Variants in TRIM35 observed in about 807,000 individuals in gnomAD.
TRIM35 encodes the protein E3 ubiquitin-protein ligase TRIM35.
A neutral mutation model predicts 49.1 loss-of-function variants in TRIM35; 37 were observed. The ratio of observed to expected loss-of-function variants is 0.75; its 90% CI spans 0.58 to 0.99. The LOEUF (loss-of-function observed/expected upper bound fraction) is 0.99. Among genes scored for constraint, TRIM35 ranks in the 50% least tolerant of loss-of-function variants. The probability of loss-of-function intolerance (pLI) is 0.00; values close to 1 mark genes in which losing one functional copy is unlikely to be tolerated. For synonymous variants in TRIM35, 302 were observed against 289.3 expected (o/e 1.04, Z -0.45); for missense variants, 648 against 702.7 (o/e 0.92, Z 0.88).
intron 2 of TRIM35, among the ~76,000 whole-genome samples, chr8:27,294,642 G>C (rs1052185840): frequency 6.6e-6 from 1 of 152,152 alleles, no homozygotes; most frequent in Non-Finnish European, 1.5e-5. Context: ...GGGAAGTCCT[G>C]AATCATAGAA....
chr8:27,309,044 T>C (rs931588629), intron 1 of TRIM35, among the ~76,000 whole-genome samples: 10 of 152,202 alleles, frequency 6.6e-5, no homozygotes, highest in African/African-American at 1.7e-4. Context: ...GGAAGCTCCT[T>C]GAGGCTGGAA....
intron 1 of TRIM35, among the ~76,000 whole-genome samples, chr8:27,301,371 G>C (rs1395598967): frequency 6.6e-6 from 1 of 152,142 alleles, no homozygotes; most frequent in Non-Finnish European, 1.5e-5. Flanking sequence ...TATATTCCTG[G>C]GGATAAAACT....
In TRIM35 at chr8:27,310,871, G is replaced by A. The variant is rs1273402755; in HGVS notation, c.365C>T (p.Ser122Phe). 1.2e-6 allele frequency: 2 copies of A among 1,612,616 alleles called. No homozygotes were observed. The highest frequency in any genetic ancestry group is 1.7e-5 in the Admixed American group (1 of 59,998). The change falls in exon 1 of 6, where the codon TCC becomes TTC. Residue 122 changes from serine (S) to phenylalanine (F), a missense_variant. By Grantham distance (155) the Ser-to-Phe change is radical. Coordinates refer to ENST00000305364, the MANE Select transcript of TRIM35 (RefSeq NM_171982.5). ...CTGGTGTCGGGGGTCGGCCTGGCAG[G>A]AGCAGCACAGCAGCTCCTTGTCCTC... ...CLEDKELLCC[S>F]CQADPRHQGH...
chr8:27,302,049 A>G (rs149118859), intron 1 of TRIM35, among the ~76,000 whole-genome samples: 1 of 152,202 alleles, frequency 6.6e-6, no homozygotes, highest in African/African-American at 2.4e-5. Flanking sequence ...CCAACATCAC[A>G]CAGCCATAAT....
intron 1 of TRIM35, among the ~76,000 whole-genome samples, chr8:27,310,591 G>T (rs941166460): frequency 6.6e-6 from 1 of 152,240 alleles, no homozygotes; most frequent in African/African-American, 2.4e-5. Flanking sequence ...CTTTCCGTTC[G>T]CATTCTCTTC....
At chr8:27,305,301 T>G (rs1054112513) in intron 1 of TRIM35, among the ~76,000 whole-genome samples, 3 of 152,240 alleles carry the variant, frequency 2.0e-5, no homozygotes, top group Non-Finnish European at 4.4e-5. Flanking sequence ...CTCCCAGATC[T>G]GTCTTTCCCC....
intron 3 of TRIM35, among the ~76,000 whole-genome samples, chr8:27,293,765 G>A (rs778766870): frequency 1.3e-5 from 2 of 151,916 alleles, no homozygotes; most frequent in Non-Finnish European, 2.9e-5. Flanking sequence ...AAGGAGAGAG[G>A]ATCACTTGAG....
chr8:27,291,095 C>A (rs184005120), intron 3 of TRIM35, among the ~76,000 whole-genome samples: 24 of 135,188 alleles, frequency 1.8e-4, no homozygotes, highest in Non-Finnish European at 3.7e-4. Context: ...GTTGGACTAA[C>A]CCTTACTATA....
chr8:27,298,339 G>C (rs1424217489), intron 2 of TRIM35, 125 bp downstream of exon 2: 16 of 824,210 alleles, frequency 1.9e-5, no homozygotes, highest in Non-Finnish European at 2.4e-5. Flanking sequence ...GACCATCAGA[G>C]GTAAGGCAGC....
At chr8:27,297,179 A>G (rs1360687325) in intron 2 of TRIM35, among the ~76,000 whole-genome samples, 1 of 152,186 alleles carries the variant, frequency 6.6e-6, no homozygotes, top group Non-Finnish European at 1.5e-5. Context: ...AATGTTAATG[A>G]GGCTCTTTCC....
At chr8:27,304,948 G>A in intron 1 of TRIM35, 1 of 377,342 alleles carries the variant, frequency 2.7e-6, no homozygotes, top group Non-Finnish European at 5.2e-6. Flanking sequence ...TGATGTAGCA[G>A]CCAAGAGTTC....
chr8:27,305,977 C>A (rs1253449658), intron 1 of TRIM35, among the ~76,000 whole-genome samples: 4 of 152,162 alleles, frequency 2.6e-5, no homozygotes, highest in Non-Finnish European at 5.9e-5. Context: ...GCTGGGACTA[C>A]AGGTATGTGC....
chr8:27,310,791 C>T lies in TRIM35; in HGVS notation c.435+10G>A. 1 of 1,572,692 alleles carries T rather than the reference C, an allele frequency of 6.4e-7. No individual in the cohort carries two copies. Among genetic ancestry groups the T allele is most frequent in the East Asian group, 2.3e-5 (1 of 44,086 alleles). On this transcript the variant is annotated intron_variant, in intron 1 of 5. Coordinates refer to ENST00000305364, the MANE Select transcript of TRIM35 (RefSeq NM_171982.5). ...CGGCTCGGCCGCCTCGTGCAAATCG[C>T]TGCTCTTACCCGAAAGTCGTGGGCA...
At chr8:27,289,475 C>A (rs566307719) in intron 4 of TRIM35, among the ~76,000 whole-genome samples, 195 bp from the exon 5 acceptor site, 1 of 152,210 alleles carries the variant, frequency 6.6e-6, no homozygotes, top group Non-Finnish European at 1.5e-5. Context: ...CATCTCCCTT[C>A]AGCATTCAAT....
Position 27,303,430 on chromosome 8 carries a change from G to A in TRIM35, c.436-4871C>T, listed in dbSNP as rs1222557555. Among the ~76,000 whole-genome samples, 3 of 152,052 alleles carry A rather than the reference G, an allele frequency of 2.0e-5. No homozygotes were observed. The East Asian group carries it at 5.8e-4, about 29-fold the overall frequency. The stretch of plus-strand genomic sequence containing the variant: ...TTCACCTAGGAAATATGACATGTAA[G>A]AAGTGTGAATTTGAATGCATCTAAA... On this transcript the variant is annotated intron_variant, in intron 1 of 5. Transcript: ENST00000305364.
intron 3 of TRIM35, among the ~76,000 whole-genome samples, chr8:27,291,487 CCTAG>C (rs1191261484): frequency 6.6e-6 from 1 of 152,166 alleles, no homozygotes; most frequent in African/African-American, 2.4e-5. Context: ...TGAATAATGG[CCTAG>C]CAGTTCTTCC....
At position 27,311,014 on chromosome 8, in the gene TRIM35, G is replaced by A. The variant is rs753776869; in HGVS notation, c.222C>T (p.Thr74=). The stretch of plus-strand genomic sequence containing the variant: ...GCAGCTTCTCCACCAGGTTGTTGAG[G>A]GTGTGGTTGGTGCGCAGGTCGGCGG... ...ASPADLRTNH[T]LNNLVEKLLR... The change falls in exon 1 of 6, where the codon ACC becomes ACT. Residue 74 remains threonine (T), a synonymous_variant. Coordinates refer to ENST00000305364, the MANE Select transcript of TRIM35 (RefSeq NM_171982.5). 8 of 1,610,156 alleles carry A rather than the reference G, an allele frequency of 5.0e-6. No individual in the cohort carries two copies. Among genetic ancestry groups the A allele is most frequent in the Middle Eastern group, 1.7e-4 (1 of 6,044 alleles).
chr8:27,303,080 C>A (rs1802711766), intron 1 of TRIM35, among the ~76,000 whole-genome samples: 1 of 152,156 alleles, frequency 6.6e-6, no homozygotes, highest in Non-Finnish European at 1.5e-5. Context: ...GCTAGATATA[C>A]TTAATCAAAC....
At position 27,287,721 on chromosome 8, in the gene TRIM35, G is replaced by A. The variant is rs747876455; in HGVS notation, c.1311C>T (p.Gly437=). The A allele has an allele frequency of 9.3e-6, 15 of 1,610,258 alleles. No homozygotes were observed. The highest frequency in any genetic ancestry group is 3.4e-5 in the Admixed American group (2 of 59,372). The change falls in exon 6 of 6, where the codon GGC becomes GGT. Residue 437 remains glycine (G), a synonymous_variant. Transcript: ENST00000305364. This position sits in a 1 kb window ranked among gnomAD's most constrained non-coding sequence, Gnocchi z 6.0. ...GCTCCGCGTCATAGAAAGACAGCTC[G>A]CCCTCCTCACACTCCAGCTCCACAC... The part of the protein sequence containing the change: ...RLRVELECEE[G]ELSFYDAERH...
Sources: gnomAD v4.1 joint callset for allele counts (sites outside exome capture counted in the v4.1 genomes callset) on GRCh38, gnomAD v4.1.1 for gene constraint, Gnocchi (gnomAD v3.1) non-coding constraint, MANE v1.5 for transcripts, NCBI Gene and HGNC (gene_info 2026-07-23, HGNC 2026-07-21) for gene names.